FHIP2A: variants seen among roughly 807,000 people sequenced by gnomAD.
FHIP2A encodes the protein FHF complex subunit HOOK interacting protein 2A, also known as family with sequence similarity 160 member B1.
In FHIP2A, 46 loss-of-function variants were observed where a neutral mutation model predicts 93.5. The ratio of observed to expected loss-of-function variants is 0.49; its 90% CI spans 0.39 to 0.63. The LOEUF is 0.63. Among genes scored for constraint, FHIP2A ranks in the 20% least tolerant of loss-of-function variants. FHIP2A has a pLI of 0.00. For synonymous variants in FHIP2A, 332 were observed against 326.5 expected (o/e 1.02, Z -0.18); for missense variants, 769 against 909.7 (o/e 0.85, Z 1.99).
chr10:114,861,904 T>G lies in FHIP2A; in HGVS notation c.*364T>G. 1.0e-6 allele frequency: 1 copy of G among 989,248 alleles called. No individual in the cohort carries two copies. 61.3% of individuals were successfully genotyped at this position (989,248 alleles called of 1,614,324 possible). ...AATGTCCTTTTAGGTAGCAAGGCAT[T>G]TTGACATTCTCTGGGACTCAAATGC... On this transcript the variant is annotated 3_prime_UTR_variant, in exon 17 of 17. Transcript: ENST00000369248.
intron 14 of FHIP2A, among the ~76,000 whole-genome samples, chr10:114,858,979 A>ACC (rs55847933): frequency 2.0e-5 from 3 of 150,946 alleles, no homozygotes; most frequent in Admixed American, 6.6e-5. Flanking sequence ...TATCACATGG[A>ACC]CCCCCCCCAA....
downstream of FHIP2A, among the ~76,000 whole-genome samples, chr10:114,867,439 A>G (rs2083835189): frequency 1.3e-5 from 2 of 152,204 alleles, no homozygotes; most frequent in Non-Finnish European, 1.5e-5. Flanking sequence ...GAGAAGGCAC[A>G]TAGTCAACTG....
chr10:114,835,176 G>A (rs943723046), intron 3 of FHIP2A, among the ~76,000 whole-genome samples: 20 of 152,118 alleles, frequency 1.3e-4, no homozygotes, highest in Non-Finnish European at 2.1e-4. Flanking sequence ...CTTTGTTCCA[G>A]CGGGGTGTTA....
chr10:114,875,912 G>GAGAGAAAGAAAT (rs1566384360), intron 16 of FHIP2A, among the ~76,000 whole-genome samples: 1 of 44,980 alleles, frequency 2.2e-5, no homozygotes, highest in African/African-American at 7.1e-5. Context: ...TAAAGAAAGA[G>GAGAGAAAGAAAT]AAAGAAAGAA....
intron 14 of FHIP2A, among the ~76,000 whole-genome samples, chr10:114,857,524 G>A (rs2083774418): frequency 6.6e-6 from 1 of 151,730 alleles, no homozygotes; most frequent in South Asian, 2.1e-4. Context: ...TGCTCAGGCT[G>A]GTCTTGAACT....
exon 17 of FHIP2A, chr10:114,899,546 G>A: frequency 1.4e-6 from 1 of 717,568 alleles, no homozygotes; most frequent in South Asian, 1.5e-5. Context: ...TGTCCTCAAA[G>A]CTTCAAGCTC....
intron 16 of FHIP2A, among the ~76,000 whole-genome samples, chr10:114,880,773 A>G (rs1044592188): frequency 2.0e-5 from 3 of 150,706 alleles, no homozygotes; most frequent in Admixed American, 1.3e-4. Context: ...CTGTATTTTA[A>G]GGAAGCACTC....
chr10:114,897,549 C>T (rs980847266), intron 16 of FHIP2A, among the ~76,000 whole-genome samples: 1 of 152,148 alleles, frequency 6.6e-6, no homozygotes, highest in African/African-American at 2.4e-5. Flanking sequence ...TCTTTTCTCT[C>T]CTTCCCACTG....
intron 16 of FHIP2A, among the ~76,000 whole-genome samples, chr10:114,882,909 C>T (rs1423439765): frequency 1.3e-5 from 2 of 151,660 alleles, no homozygotes; most frequent in African/African-American, 2.4e-5. Context: ...GAAAACACCT[C>T]ATGAGCAGCA....
Position 114,863,482 on chromosome 10 carries a change from G to T in FHIP2A, c.*1942G>T, listed in dbSNP as rs2083812567. On this transcript the variant is annotated 3_prime_UTR_variant, in exon 17 of 17. Coordinates refer to ENST00000369248, the MANE Select transcript of FHIP2A (RefSeq NM_020940.4). The stretch of plus-strand genomic sequence containing the variant: ...CCTTATAACTAGTCCATGAAACCAA[G>T]CTCAGAAAAGCTTTAACTCTTATAT... The T allele has an allele frequency of 8.9e-7, 1 of 1,118,716 alleles. No homozygotes were observed. Among genetic ancestry groups the T allele is most frequent in the African/African-American group, 1.7e-5 (1 of 59,754 alleles). The allele number at this position is 1,118,716 out of a possible 1,614,324, so 69.3% of individuals were successfully genotyped here. A position where few individuals can be genotyped will look rare whatever the true frequency, so the allele number is the denominator to read the frequency against.
At chr10:114,881,221 T>C (rs2083915525) in intron 16 of FHIP2A, among the ~76,000 whole-genome samples, 1 of 152,220 alleles carries the variant, frequency 6.6e-6, no homozygotes, top group Non-Finnish European at 1.5e-5. Flanking sequence ...TCCCCTGTTT[T>C]ATGCCTTTGA....
chr10:114,871,174 C>T (rs1001840895), intron 16 of FHIP2A, among the ~76,000 whole-genome samples: 2 of 150,836 alleles, frequency 1.3e-5, no homozygotes, highest in East Asian at 3.9e-4. Flanking sequence ...TTTTAAACTG[C>T]GTCTCTGTTG....
Position 114,861,689 on chromosome 10 carries a change from T to C in FHIP2A, c.*149T>C, listed in dbSNP as rs922010811. On this transcript the variant is annotated 3_prime_UTR_variant, in exon 17 of 17. Coordinates refer to ENST00000369248, the MANE Select transcript of FHIP2A (RefSeq NM_020940.4). ...ACAGAACCATTAAGAACCTATTGAG[T>C]GGACATTCTTGGTGAAATGTTGTAT... is the stretch of plus-strand genomic sequence containing the variant. The C allele has an allele frequency of 2.8e-6, 4 of 1,417,746 alleles. No homozygotes were observed. Among genetic ancestry groups the C allele is most frequent in the Admixed American group, 6.1e-5 (2 of 32,924 alleles). The allele number at this position is 1,417,746 out of a possible 1,614,324, so 87.8% of individuals were successfully genotyped here. A position where few individuals can be genotyped will look rare whatever the true frequency, so the allele number is the denominator to read the frequency against.
intron 1 of FHIP2A, 80 bp from the exon 2 acceptor site, chr10:114,830,772 A>T: frequency 1.2e-6 from 1 of 862,228 alleles, no homozygotes; most frequent in Admixed American, 2.5e-5. Context: ...TTTGCATTGT[A>T]ATAGATAAAT....
intron 1 of FHIP2A, among the ~76,000 whole-genome samples, chr10:114,823,233 A>G (rs750835718): frequency 1.3e-5 from 2 of 152,240 alleles, no homozygotes; most frequent in Non-Finnish European, 2.9e-5. Context: ...TTGTTATTTA[A>G]GTGATACATG....
intron 14 of FHIP2A, among the ~76,000 whole-genome samples, chr10:114,858,987 C>G (rs2083782397): frequency 6.6e-6 from 1 of 151,766 alleles, no homozygotes; most frequent in South Asian, 2.1e-4. Flanking sequence ...GGACCCCCCC[C>G]AAAATAGGTA....
At chr10:114,855,768 G>C (rs2083762954) in intron 14 of FHIP2A, among the ~76,000 whole-genome samples, 1 of 152,146 alleles carries the variant, frequency 6.6e-6, no homozygotes, top group Non-Finnish European at 1.5e-5. Context: ...GATGAACCTG[G>C]CTCTTTAGAC....
chr10:114,888,488 T>G (rs1183917897), intron 16 of FHIP2A, among the ~76,000 whole-genome samples: 1 of 152,198 alleles, frequency 6.6e-6, no homozygotes, highest in Non-Finnish European at 1.5e-5. Flanking sequence ...AGCAAGAGCA[T>G]AAAATACTCC....
chr10:114,830,775 A>T, intron 1 of FHIP2A, 77 bp from the exon 2 acceptor site: 2 of 901,942 alleles, frequency 2.2e-6, no homozygotes, highest in Non-Finnish European at 3.4e-6. Flanking sequence ...GCATTGTAAT[A>T]GATAAATACA....
Sources: allele counts gnomAD v4.1 joint callset (sites outside exome capture counted in the v4.1 genomes callset), GRCh38; gene constraint gnomAD v4.1.1; transcripts MANE v1.5; gene names NCBI Gene and HGNC (gene_info 2026-07-23, HGNC 2026-07-21).